ESR1: variants seen among roughly 807,000 people sequenced by gnomAD.
The protein encoded by ESR1 is estrogen receptor.
ESR1 carries 12 observed loss-of-function variants against 52.7 expected under a neutral mutation model. The observed-to-expected ratio is 0.23, with a 90% confidence interval of 0.15 to 0.37. The LOEUF is 0.37. Among genes scored for constraint, ESR1 ranks in the 10% least tolerant of loss-of-function variants. The pLI is 1.00. For synonymous variants in ESR1, 305 were observed against 316.8 expected (o/e 0.96, Z 0.39); for missense variants, 584 against 779.7 (o/e 0.75, Z 2.99).
chr6:151,855,214 C>T (rs1012202363), intron 2 of ESR1, among the ~76,000 whole-genome samples: 2 of 152,100 alleles, frequency 1.3e-5, no homozygotes, highest in South Asian at 2.1e-4. Flanking sequence ...GTGCCTGGCT[C>T]GTTTTAAAAT....
intron 2 of ESR1, among the ~76,000 whole-genome samples, chr6:151,733,754 A>C (rs1782433727): frequency 6.6e-6 from 1 of 152,180 alleles, no homozygotes; most frequent in African/African-American, 2.4e-5. Flanking sequence ...AAAAACAATG[A>C]TGTGAAGAAT....
intron 4 of ESR1, among the ~76,000 whole-genome samples, chr6:151,970,613 T>G (rs1480129476): frequency 6.6e-6 from 1 of 152,174 alleles, no homozygotes; most frequent in African/African-American, 2.4e-5. Context: ...ATTCACACTT[T>G]ATTGTTAATA....
chr6:151,928,723 G>T lies in ESR1; in HGVS notation c.761-15450G>T, dbSNP rs188954675. Among the ~76,000 whole-genome samples the T allele has an allele frequency of 4.6e-5, 7 of 151,842 alleles. No individual in the cohort carries two copies. The East Asian group carries it at 1.2e-3, about 25-fold the overall frequency. ...TGCTATGAATTTTTCTCTAAGCACT[G>T]CTTTTCCTGCATCCCACAAATTTTG... On this transcript the variant is annotated intron_variant, in intron 3 of 7. Transcript: ENST00000206249.
intron 6 of ESR1, among the ~76,000 whole-genome samples, chr6:152,082,255 C>T (rs9479217): frequency 0.21 from 32,108 of 152,064 alleles, 4,782 homozygotes; most frequent in African/African-American, 0.41. Context: ...ATCAAAAAGC[C>T]TATCCACCAA....
chr6:151,671,178 G>T (rs555440681), intron 1 of ESR1, among the ~76,000 whole-genome samples: 1 of 152,224 alleles, frequency 6.6e-6, no homozygotes, highest in African/African-American at 2.4e-5. Context: ...GTGAACTTCT[G>T]GGTGTATATA....
At chr6:152,016,323 A>T (rs2043168850) in intron 5 of ESR1, among the ~76,000 whole-genome samples, 1 of 152,170 alleles carries the variant, frequency 6.6e-6, no homozygotes, top group South Asian at 2.1e-4. Context: ...AATGATGAGG[A>T]ATGTGTATAA....
At chr6:151,668,716 G>A (rs939837644) in intron 1 of ESR1, among the ~76,000 whole-genome samples, 13 of 152,152 alleles carry the variant, frequency 8.5e-5, no homozygotes, top group Non-Finnish European at 1.8e-4. Flanking sequence ...TTTGGAGGGT[G>A]CACATTCAAA....
At chr6:151,898,929 G>A (rs1160764391) in intron 3 of ESR1, among the ~76,000 whole-genome samples, 7 of 152,018 alleles carry the variant, frequency 4.6e-5, no homozygotes, top group South Asian at 2.1e-4. Context: ...CCTCCCAGAC[G>A]GGGTGGTGGC....
At chr6:151,740,616 A>G (rs1416285449) in intron 2 of ESR1, among the ~76,000 whole-genome samples, 5 of 151,612 alleles carry the variant, frequency 3.3e-5, no homozygotes, top group Admixed American at 1.3e-4. Context: ...GAGCTTCTTT[A>G]GTTATTTTTT....
intron 1 of ESR1, among the ~76,000 whole-genome samples, chr6:151,669,348 A>G (rs1777968297): frequency 6.6e-6 from 1 of 151,896 alleles, no homozygotes; most frequent in African/African-American, 2.4e-5. Context: ...TCCACCATGG[A>G]GAAAGTATTC....
intron 7 of ESR1, among the ~76,000 whole-genome samples, chr6:152,095,822 C>G (rs944294633): frequency 6.6e-6 from 1 of 152,344 alleles, no homozygotes. Flanking sequence ...ACTGACAACT[C>G]TGTGAGCCAT....
chr6:151,825,262 G>A (rs964761258), intron 1 of ESR1, among the ~76,000 whole-genome samples: 7 of 152,138 alleles, frequency 4.6e-5, no homozygotes, highest in African/African-American at 1.4e-4. Flanking sequence ...TTGGGAGATG[G>A]CATGCTGCAC....
chr6:151,800,353 G>C (rs1012264713), upstream of ESR1, among the ~76,000 whole-genome samples: 5 of 152,110 alleles, frequency 3.3e-5, no homozygotes, highest in African/African-American at 1.2e-4. Flanking sequence ...CTAAGCCCCT[G>C]AAGTCAGCTC....
intron 4 of ESR1, among the ~76,000 whole-genome samples, chr6:151,980,900 C>T (rs946032073): frequency 7.2e-5 from 11 of 152,148 alleles, no homozygotes; most frequent in Admixed American, 7.2e-4. Flanking sequence ...GACAGGGTTT[C>T]AGCATATTGG....
intron 2 of ESR1, among the ~76,000 whole-genome samples, chr6:151,794,477 GA>G (rs1776497896): frequency 6.6e-6 from 1 of 152,156 alleles, no homozygotes; most frequent in South Asian, 2.1e-4. Context: ...CCTGATAGTT[GA>G]AAGATTACTT....
intron 5 of ESR1, among the ~76,000 whole-genome samples, chr6:152,058,736 T>C (rs2047307328): frequency 6.6e-6 from 1 of 152,188 alleles, no homozygotes; most frequent in Non-Finnish European, 1.5e-5. Context: ...GCTTTCTTCT[T>C]GGTACTCTAG....
chr6:151,934,673 G>T (rs1020687124), intron 3 of ESR1, among the ~76,000 whole-genome samples: 1 of 152,112 alleles, frequency 6.6e-6, no homozygotes, highest in Non-Finnish European at 1.5e-5. Context: ...TATTACATCT[G>T]ATATTCAAGC....
intron 1 of ESR1, among the ~76,000 whole-genome samples, chr6:151,675,968 G>T (rs530705232): frequency 1.3e-5 from 2 of 152,368 alleles, no homozygotes; most frequent in African/African-American, 4.8e-5. Context: ...CCTGCCTGCA[G>T]ATTCCAAGGC....
intron 6 of ESR1, among the ~76,000 whole-genome samples, chr6:152,115,791 C>T (rs1218482214): frequency 6.6e-6 from 1 of 152,146 alleles, no homozygotes; most frequent in African/African-American, 2.4e-5. Flanking sequence ...TAGCCATGGA[C>T]ATGCAAATTT....
Sources: gnomAD v4.1 joint callset for allele counts (sites outside exome capture counted in the v4.1 genomes callset) on GRCh38, gnomAD v4.1.1 for gene constraint, MANE v1.5 for transcripts, NCBI Gene and HGNC (gene_info 2026-07-23, HGNC 2026-07-21) for gene names.